The following CORO1C variants were observed in gnomAD, a reference collection of about 807,000 sequenced individuals.
CORO1C encodes the protein coronin-1C.
In CORO1C, 14 loss-of-function variants were observed where a neutral mutation model predicts 51.2. The observed-to-expected ratio is 0.27, with a 90% confidence interval of 0.18 to 0.43. The LOEUF (loss-of-function observed/expected upper bound fraction) is 0.43, where lower values mean the gene tolerates loss of function less well. CORO1C is among the 20% of genes least tolerant of loss of function. CORO1C has a pLI of 1.00. For missense variants in CORO1C, 417 were observed against 607.8 expected (o/e 0.69, Z 3.30); for synonymous variants, 181 against 210.5 (o/e 0.86, Z 1.21).
At chr12:108,647,971 G>A (rs2032445547) in intron 10 of CORO1C, among the ~76,000 whole-genome samples, 1 of 152,150 alleles carries the variant, frequency 6.6e-6, no homozygotes, top group South Asian at 2.1e-4. Context: ...TTCTTGGGAG[G>A]GAAACCCTTG....
intron 1 of CORO1C, among the ~76,000 whole-genome samples, chr12:108,706,600 C>T (rs2035038962): frequency 6.6e-6 from 1 of 151,962 alleles, no homozygotes; most frequent in Non-Finnish European, 1.5e-5. Flanking sequence ...ATATAAAAAT[C>T]ATTTTTTTTT....
At position 108,658,207 on chromosome 12, in the gene CORO1C, T is replaced by A. The variant is rs1240611437; in HGVS notation, c.630+531A>T. On this transcript the variant is annotated intron_variant, in intron 5 of 10. Coordinates refer to ENST00000261401, the MANE Select transcript of CORO1C (RefSeq NM_014325.4). This position sits in a 1 kb window ranked among gnomAD's most constrained non-coding sequence, Gnocchi z 4.9. ...CTGCGCATTTATTTATTTATTTATT[T>A]ATTTATTTTTGTATTTTTAGTAGAG... Among the ~76,000 whole-genome samples, 3 of 152,048 alleles carry A rather than the reference T, an allele frequency of 2.0e-5. No homozygotes were observed. Among genetic ancestry groups the A allele is most frequent in the Non-Finnish European group, 4.4e-5 (3 of 68,016 alleles).
chr12:108,725,172 G>A (rs757484967), intron 1 of CORO1C, among the ~76,000 whole-genome samples: 4 of 152,116 alleles, frequency 2.6e-5, no homozygotes, highest in Admixed American at 6.5e-5. Flanking sequence ...TTTTAAGACC[G>A]CCTTCCCATC....
At chr12:108,693,755 C>T (rs1386169721) in intron 2 of CORO1C, among the ~76,000 whole-genome samples, 5 of 152,174 alleles carry the variant, frequency 3.3e-5, no homozygotes, top group Non-Finnish European at 7.3e-5. Context: ...CTTCTTTGCC[C>T]TCCTAGGGAC....
intron 10 of CORO1C, 29 bp from the exon 11 acceptor site, chr12:108,647,551 T>C (rs764073423): frequency 7.1e-6 from 11 of 1,552,778 alleles, no homozygotes; most frequent in Non-Finnish European, 9.7e-6. Context: ...GAGGCAGTGA[T>C]TAAAATGCAG....
rs536067440 is a variant in CORO1C at position 108,678,556 on chromosome 12, C to A, written c.196-162G>T. ...CAACTTTCACTTCTAGAAAAAGCCA[C>A]TACCAAGGACATGCGATCAAATTAC... On this transcript the variant is annotated intron_variant, in intron 2 of 10. Coordinates refer to ENST00000261401, the MANE Select transcript of CORO1C (RefSeq NM_014325.4). Among the ~76,000 whole-genome samples, 157 of 152,258 alleles carry A rather than the reference C, an allele frequency of 1.0e-3. No individual in the cohort carries two copies. Among genetic ancestry groups the A allele is most frequent in the Admixed American group, 2.2e-3 (33 of 15,292 alleles).
intron 1 of CORO1C, among the ~76,000 whole-genome samples, chr12:108,708,965 G>T (rs2035106473): frequency 1.3e-5 from 2 of 151,910 alleles, no homozygotes; most frequent in African/African-American, 2.4e-5. Context: ...TGCCCAGGCT[G>T]GTCTCTAACT....
intron 8 of CORO1C, chr12:108,652,034 A>G (rs979693770): frequency 1.2e-4 from 34 of 281,324 alleles, no homozygotes; most frequent in Non-Finnish European, 2.0e-4. Context: ...CAAAAAAAAA[A>G]AAGTGAGATT....
chr12:108,686,537 T>C (rs541281005), intron 2 of CORO1C, among the ~76,000 whole-genome samples: 2 of 152,356 alleles, frequency 1.3e-5, no homozygotes, highest in South Asian at 2.1e-4. Flanking sequence ...TTTTCTGGCA[T>C]GAAATTGAAG....
At chr12:108,672,142 G>A (rs1482669134) in intron 3 of CORO1C, among the ~76,000 whole-genome samples, 4 of 152,144 alleles carry the variant, frequency 2.6e-5, no homozygotes, top group Non-Finnish European at 5.9e-5. Flanking sequence ...AGAACTCAGA[G>A]AATATTGTTC....
chr12:108,647,221 A>C lies in CORO1C; in HGVS notation c.*182T>G. On this transcript the variant is annotated 3_prime_UTR_variant, in exon 11 of 11. Transcript: ENST00000261401. The stretch of plus-strand genomic sequence containing the variant: ...CTTTTAAATCACGTTTTGTTTCTGC[A>C]AATTTGGGAGACAAATTGAGTTCTT... 1 of 501,722 alleles carries C rather than the reference A, an allele frequency of 2.0e-6. No homozygotes were observed. Among genetic ancestry groups the C allele is most frequent in the Non-Finnish European group, 3.5e-6 (1 of 287,864 alleles). The allele number at this position is 501,722 out of a possible 1,614,324, so 31.1% of individuals were successfully genotyped here.
chr12:108,670,144 C>T (rs1390427357), intron 3 of CORO1C, among the ~76,000 whole-genome samples: 1 of 152,104 alleles, frequency 6.6e-6, no homozygotes, highest in African/African-American at 2.4e-5. Flanking sequence ...CCAGGGACAA[C>T]ATTTACACAA....
intron 1 of CORO1C, among the ~76,000 whole-genome samples, chr12:108,707,925 TGA>T (rs1256497250): frequency 1.3e-5 from 2 of 152,136 alleles, no homozygotes; most frequent in African/African-American, 4.8e-5. Flanking sequence ...AAAACCACAA[TGA>T]GAGACTATTC....
At chr12:108,682,875 T>C (rs995010433) in intron 2 of CORO1C, among the ~76,000 whole-genome samples, 4 of 152,032 alleles carry the variant, frequency 2.6e-5, no homozygotes, top group Admixed American at 1.3e-4. Context: ...AAACCAAAAA[T>C]CTCCAGTACA....
intron 1 of CORO1C, among the ~76,000 whole-genome samples, chr12:108,711,888 GCTAT>G (rs1448426296): frequency 1.3e-5 from 2 of 152,038 alleles, no homozygotes. Flanking sequence ...TTATTGAAAA[GCTAT>G]CTGTTTAAAG....
At chr12:108,680,205 A>G (rs1381318086) in intron 2 of CORO1C, among the ~76,000 whole-genome samples, 1 of 152,224 alleles carries the variant, frequency 6.6e-6, no homozygotes, top group Non-Finnish European at 1.5e-5. Flanking sequence ...GGTGCCACAT[A>G]GGAACAGAGA....
intron 1 of CORO1C, among the ~76,000 whole-genome samples, chr12:108,706,186 C>CAAAAAAAAAA (rs368147183): frequency 3.4e-5 from 4 of 118,586 alleles, no homozygotes; most frequent in East Asian, 3.5e-4. Flanking sequence ...GACTCTGAAT[C>CAAAAAAAAAA]AAAAAAAAAC....
intron 3 of CORO1C, among the ~76,000 whole-genome samples, chr12:108,665,778 C>T (rs1296013935): frequency 6.6e-6 from 1 of 152,194 alleles, no homozygotes; most frequent in African/African-American, 2.4e-5. Context: ...CACAGCAGGG[C>T]TGAGATTATG....
At position 108,647,041 on chromosome 12, in the gene CORO1C, T is replaced by TAA. The variant is rs34122937; in HGVS notation, c.*360_*361dup. On this transcript the variant is annotated 3_prime_UTR_variant, in exon 11 of 11. Coordinates refer to ENST00000261401, the MANE Select transcript of CORO1C (RefSeq NM_014325.4). ...CAATGTGGCATTGGTCCCTATTCATTAAAAAAAAAAGGGTACTTGGGCACG... is the reference window on the plus strand; with the variant it reads ...CAATGTGGCATTGGTCCCTATTCATTAAAAAAAAAAAAGGGTACTTGGGCACG... 1.2e-5 allele frequency: 2 copies of TAA among 162,130 alleles called. No individual in the cohort carries two copies. The highest frequency in any genetic ancestry group is 2.6e-5 in the Non-Finnish European group (2 of 75,986). 10.0% of individuals were successfully genotyped at this position (162,130 alleles called of 1,614,324 possible).
Sources: gnomAD v4.1 joint callset for allele counts (sites outside exome capture counted in the v4.1 genomes callset) on GRCh38, gnomAD v4.1.1 for gene constraint, Gnocchi (gnomAD v3.1) non-coding constraint, MANE v1.5 for transcripts, NCBI Gene and HGNC (gene_info 2026-07-23, HGNC 2026-07-21) for gene names.